COL16A1: variants seen among roughly 807,000 people sequenced by gnomAD.
The protein encoded by COL16A1 is collagen type XVI alpha 1 chain, also known as collagen alpha-1(XVI) chain.
COL16A1 carries 189 observed loss-of-function variants against 266.3 expected under a neutral mutation model. The ratio of observed to expected loss-of-function variants is 0.71; its 90% CI spans 0.63 to 0.80. The LOEUF (loss-of-function observed/expected upper bound fraction) is 0.80, where lower values mean the gene tolerates loss of function less well. Among genes scored for constraint, COL16A1 ranks in the 30% least tolerant of loss-of-function variants. The pLI is 0.00. For synonymous variants in COL16A1, 740 were observed against 782.3 expected (o/e 0.95, Z 0.90); for missense variants, 1,928 against 2,122.4 (o/e 0.91, Z 1.80).
chr1:31,696,758 A>G (rs1450284358), intron 8 of COL16A1, among the ~76,000 whole-genome samples: 2 of 152,244 alleles, frequency 1.3e-5, no homozygotes, highest in African/African-American at 4.8e-5. Flanking sequence ...GTAGGTGGGC[A>G]CAGGGCCACC....
chr1:31,671,009 C>G (rs1474181), intron 48 of COL16A1, among the ~76,000 whole-genome samples: 70,925 of 152,090 alleles, frequency 0.47, 18,303 homozygotes, highest in South Asian at 0.6. Context: ...CTCCCTGGCT[C>G]TAAGACAGCT....
rs778645395 is a variant in COL16A1, at chr1:31,698,117, T to TGGCCCTG, written c.439_445dup (p.Gln149ProfsTer67). On this transcript the variant is annotated frameshift_variant, in exon 6 of 71. Coordinates refer to ENST00000373672, the MANE Select transcript of COL16A1 (RefSeq NM_001856.4). LOFTEE classifies it high-confidence loss of function. This position sits in a 1 kb window ranked among gnomAD's most constrained non-coding sequence, Gnocchi z 4.1. ...GATGCAGGACACAAAGTCGCCATCCTGGCCCTGGGCCCTGAGCTCCAGGCT... is the reference window on the plus strand; with the variant it reads ...GATGCAGGACACAAAGTCGCCATCCTGGCCCTGGGCCCTGGGCCCTGAGCTCCAGGCT... The TGGCCCTG allele has an allele frequency of 1.3e-5, 21 of 1,613,994 alleles. No individual in the cohort carries two copies. The South Asian group carries it at 2.1e-4, about 16-fold the overall frequency.
intron 44 of COL16A1, chr1:31,673,097 G>A: frequency 1.8e-6 from 1 of 555,760 alleles, no homozygotes; most frequent in Non-Finnish European, 3.3e-6. Context: ...TTTCCAGACA[G>A]GCATGTGGGT....
intron 62 of COL16A1, chr1:31,660,028 G>A (rs2148663231): frequency 7.3e-6 from 1 of 136,258 alleles, no homozygotes; most frequent in Admixed American, 8.7e-5. Context: ...TTATTATGCA[G>A]CCAGCCACAA....
At chr1:31,690,440 G>A in intron 21 of COL16A1, 47 bp from the exon 22 acceptor site, 1 of 1,614,194 alleles carries the variant, frequency 6.2e-7, no homozygotes, top group Non-Finnish European at 8.5e-7. Context: ...CAGAGGGCTG[G>A]TGTGCCAACT....
rs750936085 is a variant in COL16A1 at position 31,652,863 on chromosome 1, G to A, written c.4613-10C>T. 3 of 1,489,828 alleles carry A rather than the reference G, an allele frequency of 2.0e-6. No individual in the cohort carries two copies. The highest frequency in any genetic ancestry group is 2.7e-6 in the Non-Finnish European group (3 of 1,121,028). The allele number at this position is 1,489,828 out of a possible 1,614,324, so 92.3% of individuals were successfully genotyped here. ...GGAGGACCTTGAGGACCTAGGGAGG[G>A]AAGGGCCACAGAGGGAAAATCAGAA... On this transcript the variant is annotated splice_polypyrimidine_tract_variant and intron_variant, in intron 70 of 70. Transcript: ENST00000373672. The surrounding 1 kb of genome is among the most constrained non-coding windows in gnomAD (Gnocchi z 4.8).
chr1:31,660,507 T>C (rs928408383), intron 62 of COL16A1, 78 bp downstream of exon 62: 16 of 1,579,530 alleles, frequency 1.0e-5, no homozygotes, highest in Admixed American at 6.9e-5. Flanking sequence ...TCTCAGGTCA[T>C]GACAGCCTAT....
Position 31,692,759 on chromosome 1 carries a change from A to G in COL16A1, c.1113+8T>C. ...GGCCCTGAAGCAGGCATCACCTCCA[A>G]GTCTTACCTGAAGTGGGGCATCCGG... On this transcript the variant is annotated splice_region_variant and intron_variant, in intron 14 of 70. Coordinates refer to ENST00000373672, the MANE Select transcript of COL16A1 (RefSeq NM_001856.4). The G allele has an allele frequency of 6.2e-7, 1 of 1,613,694 alleles. No individual in the cohort carries two copies. The highest frequency in any genetic ancestry group is 1.1e-5 in the South Asian group (1 of 91,068).
rs982916853 is a variant in COL16A1 at position 31,688,444 on chromosome 1, C to T, written c.1803+23G>A. ...TGCCTGCCAAGAAACTCCAGTGTCC[C>T]TGACATCTAACCCAGGTCTCACCTT... On this transcript the variant is annotated intron_variant, in intron 26 of 70. Coordinates refer to ENST00000373672, the MANE Select transcript of COL16A1 (RefSeq NM_001856.4). The surrounding 1 kb of genome is among the most constrained non-coding windows in gnomAD (Gnocchi z 4.9). 4.3e-6 allele frequency: 7 copies of T among 1,614,112 alleles called. No individual in the cohort carries two copies. The highest frequency in any genetic ancestry group is 5.9e-6 in the Non-Finnish European group (7 of 1,179,978).
chr1:31,691,773 A>G, intron 17 of COL16A1, 131 bp from the exon 18 acceptor site: 1 of 1,102,566 alleles, frequency 9.1e-7, no homozygotes, highest in Non-Finnish European at 1.2e-6. Context: ...CTGGTGCCCC[A>G]AGGTCAGCAC....
rs368850151 is a variant in COL16A1 at position 31,679,865 on chromosome 1, G to A, written c.2671-14C>T. 3.3e-6 allele frequency: 5 copies of A among 1,507,824 alleles called. No homozygotes were observed. The African/African-American group carries it at 5.6e-5, about 17-fold the overall frequency. The allele number at this position is 1,507,824 out of a possible 1,614,324, so 93.4% of individuals were successfully genotyped here. On this transcript the variant is annotated splice_polypyrimidine_tract_variant and intron_variant, in intron 40 of 70. Coordinates refer to ENST00000373672, the MANE Select transcript of COL16A1 (RefSeq NM_001856.4). ...TCCCGGAGCACCCTGGGTGGGAGTG[G>A]GGGTCGCAAAAGAAGGGGAGAGGTT...
At chr1:31,665,730 C>G in intron 54 of COL16A1, 112 bp from the exon 55 acceptor site, 2 of 1,590,688 alleles carry the variant, frequency 1.3e-6, no homozygotes, top group Non-Finnish European at 1.7e-6. Flanking sequence ...GCTTTGCCCT[C>G]CCCTCTGCCC....
intron 1 of COL16A1, among the ~76,000 whole-genome samples, chr1:31,703,240 C>T (rs1644783567): frequency 6.6e-6 from 1 of 152,198 alleles, no homozygotes. Flanking sequence ...TTGGGAAGTT[C>T]TAATGCAAGT....
rs750364906 is a variant in COL16A1, at chr1:31,680,918, G to C, written c.2597C>G (p.Pro866Arg). 1.2e-6 allele frequency: 2 copies of C among 1,614,156 alleles called. No homozygotes were observed. The highest frequency in any genetic ancestry group is 4.5e-5 in the East Asian group (2 of 44,882). ...CTTGGAACTCACCTTCTCTCCTCGT[G>C]GTCCTTTTTCACCCTGCAGGGAAGA... ...GLRGTPGEKG[P>R]RGEKGEPGEC... Residue 866 changes from proline to arginine, a missense_variant, in exon 39 of 71, where the codon CCA (proline) becomes CGA (arginine). Coordinates refer to ENST00000373672, the MANE Select transcript of COL16A1 (RefSeq NM_001856.4).
In COL16A1 at chr1:31,685,801, C is replaced by T. The variant is rs778313768; in HGVS notation, c.1885-31G>A. 93 of 1,610,004 alleles carry T rather than the reference C, an allele frequency of 5.8e-5. No individual in the cohort carries two copies. The highest frequency in any genetic ancestry group is 7.7e-5 in the Non-Finnish European group (91 of 1,177,370). The stretch of plus-strand genomic sequence containing the variant: ...AAGCAAGGACATTGAGTTAGGGGGT[C>T]CCCCAGGCCCTAGTGCACTTGAGCG... On this transcript the variant is annotated intron_variant, in intron 28 of 70. Coordinates refer to ENST00000373672, the MANE Select transcript of COL16A1 (RefSeq NM_001856.4). This position sits in a 1 kb window ranked among gnomAD's most constrained non-coding sequence, Gnocchi z 4.0.
chr1:31,689,145 CT>C, intron 23 of COL16A1, 60 bp from the exon 24 acceptor site: 5 of 1,611,332 alleles, frequency 3.1e-6, no homozygotes, highest in Non-Finnish European at 4.2e-6. Flanking sequence ...CCCAAACTCC[CT>C]GGCAATATGC....
chr1:31,687,622 G>A (rs1263278319), intron 26 of COL16A1, among the ~76,000 whole-genome samples: 1 of 151,426 alleles, frequency 6.6e-6, no homozygotes, highest in Non-Finnish European at 1.5e-5. Context: ...TCGCTGGGGG[G>A]CTAGAGGGAG....
In COL16A1 at chr1:31,653,610, G is replaced by A. The variant is rs1386143285; in HGVS notation, c.4601C>T (p.Pro1534Leu). 6.2e-7 allele frequency: 1 copy of A among 1,613,802 alleles called. No individual in the cohort carries two copies. The highest frequency in any genetic ancestry group is 1.7e-5 in the Admixed American group (1 of 59,976). ...GIGIAGENGL[P>L]GPPGPQGPPG... is the part of the protein sequence containing the mutation. ...GTGGTATTTCCTACCTGGGGGGCCG[G>A]GAAGACCATTTTCTCCTGCAATGCC... Residue 1534 changes from proline (P) to leucine (L), a missense_variant, in exon 70 of 71, where the codon CCC (proline) becomes CTC (leucine). Physicochemically the swap from Pro to Leu is moderately conservative, Grantham distance 98. Transcript: ENST00000373672.
intron 52 of COL16A1, among the ~76,000 whole-genome samples, chr1:31,666,681 C>T (rs1642174425): frequency 6.6e-6 from 1 of 152,114 alleles, no homozygotes; most frequent in Non-Finnish European, 1.5e-5. Flanking sequence ...CCCACCCAGC[C>T]TCTCCCTCTG....
Sources: allele counts gnomAD v4.1 joint callset (sites outside exome capture counted in the v4.1 genomes callset), GRCh38; gene constraint gnomAD v4.1.1; non-coding constraint Gnocchi (gnomAD v3.1); transcripts MANE v1.5; gene names NCBI Gene and HGNC (gene_info 2026-07-23, HGNC 2026-07-21).